Variants in KCNS3 observed in about 807,000 individuals in gnomAD.
The protein encoded by KCNS3 is delayed-rectifier potassium channel regulatory subunit KCNS3.
A neutral mutation model predicts 31.0 loss-of-function variants in KCNS3; 13 were observed. That is an observed-to-expected ratio of 0.42 (90% CI 0.27 to 0.67). The LOEUF is 0.67. KCNS3 is among the 30% of genes least tolerant of loss of function. The probability of loss-of-function intolerance (pLI) is 0.25; values close to 1 mark genes in which losing one functional copy is unlikely to be tolerated. For synonymous variants in KCNS3, 238 were observed against 241.5 expected (o/e 0.99, Z 0.13); for missense variants, 545 against 622.4 (o/e 0.88, Z 1.32).
intron 2 of KCNS3, among the ~76,000 whole-genome samples, chr2:17,920,575 T>C (rs1447905770): frequency 6.6e-6 from 1 of 152,232 alleles, no homozygotes; most frequent in East Asian, 1.9e-4. Flanking sequence ...TGACATATTC[T>C]TCTTCTTTTC....
chr2:17,926,080 A>T (rs933655306), intron 2 of KCNS3, among the ~76,000 whole-genome samples: 1 of 152,168 alleles, frequency 6.6e-6, no homozygotes, highest in African/African-American at 2.4e-5. Context: ...CCCCCAAACA[A>T]ATTGGCCCCA....
chr2:17,891,275 C>T (rs67013411), intron 1 of KCNS3, among the ~76,000 whole-genome samples: 2 of 152,054 alleles, frequency 1.3e-5, no homozygotes, highest in South Asian at 4.1e-4. Flanking sequence ...TTTTCCACCC[C>T]TTTACTTTAA....
chr2:17,900,981 A>G (rs1662159947), intron 1 of KCNS3, among the ~76,000 whole-genome samples: 1 of 152,184 alleles, frequency 6.6e-6, no homozygotes, highest in African/African-American at 2.4e-5. Flanking sequence ...GGTATCTGAT[A>G]TTTAGTATCC....
At chr2:17,901,179 A>G (rs1662165547) in intron 1 of KCNS3, among the ~76,000 whole-genome samples, 1 of 152,206 alleles carries the variant, frequency 6.6e-6, no homozygotes, top group African/African-American at 2.4e-5. Context: ...TCCAATGTGC[A>G]TGTTAAGGGT....
intron 1 of KCNS3, among the ~76,000 whole-genome samples, chr2:17,893,891 G>A (rs1461953): frequency 0.33 from 48,780 of 148,294 alleles, 8,656 homozygotes; most frequent in East Asian, 0.59. Context: ...TCCACATGCC[G>A]GAGCTGCAAT....
intron 1 of KCNS3, among the ~76,000 whole-genome samples, chr2:17,903,755 G>A (rs1662245546): frequency 1.3e-5 from 2 of 152,060 alleles, no homozygotes; most frequent in Non-Finnish European, 2.9e-5. Context: ...ATGGTTTCCA[G>A]CTTCATCCAT....
intron 1 of KCNS3, among the ~76,000 whole-genome samples, chr2:17,884,764 A>T (rs1661589756): frequency 6.6e-6 from 1 of 152,162 alleles, no homozygotes. Flanking sequence ...GAGTTATAGC[A>T]CTTCTAGAAC....
chr2:17,897,658 T>C (rs552357716), intron 1 of KCNS3, among the ~76,000 whole-genome samples: 6 of 152,316 alleles, frequency 3.9e-5, no homozygotes, highest in Admixed American at 3.3e-4. Context: ...AAATTTCTTA[T>C]AGATTCTGGA....
At chr2:17,915,472 G>A (rs1464270348) in intron 1 of KCNS3, among the ~76,000 whole-genome samples, 1 of 152,080 alleles carries the variant, frequency 6.6e-6, no homozygotes, top group Non-Finnish European at 1.5e-5. Flanking sequence ...ATCCCTGCTT[G>A]ACCTTCCCCA....
intron 1 of KCNS3, among the ~76,000 whole-genome samples, chr2:17,887,803 T>C (rs763680312): frequency 3.2e-4 from 49 of 152,184 alleles, no homozygotes; most frequent in Non-Finnish European, 5.4e-4. Flanking sequence ...AGTGTAGAAG[T>C]GTCCCCTGTT....
intron 1 of KCNS3, among the ~76,000 whole-genome samples, chr2:17,903,630 C>G (rs894177130): frequency 6.6e-6 from 1 of 151,700 alleles, no homozygotes; most frequent in Non-Finnish European, 1.5e-5. Context: ...ACAACAGGCC[C>G]CAGTGTGTGA....
chr2:17,907,963 T>C (rs1353865550), intron 1 of KCNS3, among the ~76,000 whole-genome samples: 10 of 152,288 alleles, frequency 6.6e-5, no homozygotes, highest in African/African-American at 2.4e-4. Context: ...TCGAGGAGTA[T>C]CTTTGTGGCA....
intron 1 of KCNS3, among the ~76,000 whole-genome samples, chr2:17,879,670 C>T (rs1303134848): frequency 6.6e-6 from 1 of 152,246 alleles, no homozygotes; most frequent in Non-Finnish European, 1.5e-5. Context: ...AGGGCTTGTC[C>T]TGCACCCCCA....
rs377527755 is a variant in KCNS3, at chr2:17,889,050, C to T, written c.-252+10244C>T. ...TCATTTTCAGAATGTTGATTCTACC[C>T]ATCCATGAGCATGGGATGTGTTTCC... On this transcript the variant is annotated intron_variant, in intron 1 of 2. Transcript: ENST00000304101. Among the ~76,000 whole-genome samples, 15 of 152,138 alleles carry T rather than the reference C, an allele frequency of 9.9e-5. No individual in the cohort carries two copies. The South Asian group carries it at 2.7e-3, about 27-fold the overall frequency.
At chr2:17,892,346 T>G (rs1056609405) in intron 1 of KCNS3, among the ~76,000 whole-genome samples, 1 of 152,126 alleles carries the variant, frequency 6.6e-6, no homozygotes, top group Non-Finnish European at 1.5e-5. Context: ...TATCATTTGT[T>G]TTTTGGATCT....
Position 17,932,143 on chromosome 2 carries a change from G to T in KCNS3, c.1135G>T (p.Val379Phe), listed in dbSNP as rs1271951800. The T allele has an allele frequency of 3.1e-5, 50 of 1,613,996 alleles. No homozygotes were observed. Among genetic ancestry groups the T allele is most frequent in the Non-Finnish European group, 4.2e-5 (49 of 1,180,000 alleles). ...TGTGGGCTATGGAGACACCCACCCG[G>T]TCACCTTGGCGGGAAAGCTCATCGC... is the stretch of plus-strand genomic sequence containing the variant. ...TTVGYGDTHP[V>F]TLAGKLIAST... Residue 379 changes from valine to phenylalanine, a missense_variant, in exon 3 of 3, where the codon GTC becomes TTC. Coordinates refer to ENST00000304101, the MANE Select transcript of KCNS3 (RefSeq NM_002252.5).
intron 2 of KCNS3, among the ~76,000 whole-genome samples, chr2:17,921,915 G>GTATATATATATATATATA (rs56064218): frequency 1.5e-4 from 5 of 32,804 alleles, no homozygotes; most frequent in Non-Finnish European, 1.6e-4. Context: ...GTGTGTGTGT[G>GTATATATATATATATATA]TATATATATA....
intron 1 of KCNS3, among the ~76,000 whole-genome samples, chr2:17,882,808 T>C (rs1674671708): frequency 6.6e-6 from 1 of 152,234 alleles, no homozygotes; most frequent in African/African-American, 2.4e-5. Context: ...TCCCTGTTTT[T>C]CTTTATCATT....
intron 1 of KCNS3, among the ~76,000 whole-genome samples, chr2:17,897,700 A>T (rs915832449): frequency 1.3e-5 from 2 of 152,148 alleles, no homozygotes; most frequent in African/African-American, 2.4e-5. Context: ...ATAATTTGCA[A>T]TTTTTTTCTC....
Sources: allele counts gnomAD v4.1 joint callset (sites outside exome capture counted in the v4.1 genomes callset), GRCh38; gene constraint gnomAD v4.1.1; transcripts MANE v1.5; gene names NCBI Gene and HGNC (gene_info 2026-07-23, HGNC 2026-07-21).